ITGA11: variants seen among roughly 807,000 people sequenced by gnomAD.
ITGA11 encodes the protein integrin subunit alpha 11, also known as integrin alpha-11.
A neutral mutation model predicts 141.9 loss-of-function variants in ITGA11; 97 were observed. The observed-to-expected ratio is 0.68, with a 90% CI of 0.58 to 0.81. ITGA11 has a LOEUF of 0.81. Among genes scored for constraint, ITGA11 ranks in the 30% least tolerant of loss-of-function variants. ITGA11 has a pLI of 0.00. For synonymous variants in ITGA11, 658 were observed against 624.6 expected, an observed-to-expected ratio of 1.05 and a Z score of -0.80; for missense variants, 1,387 against 1,559.2, an observed-to-expected ratio of 0.89 and a Z score of 1.86.
At chr15:68,329,243 T>C (rs753986595) in intron 15 of ITGA11, among the ~76,000 whole-genome samples, 41 of 152,176 alleles carry the variant, frequency 2.7e-4, no homozygotes, top group Non-Finnish European at 4.9e-4. Context: ...TTTGACAGTG[T>C]AGAGTGCTGT....
At chr15:68,371,838 A>G (rs1895600118) in intron 2 of ITGA11, among the ~76,000 whole-genome samples, 1 of 152,060 alleles carries the variant, frequency 6.6e-6, no homozygotes, top group African/African-American at 2.4e-5. Context: ...GAGATGGGAC[A>G]ATCTGGTAGT....
chr15:68,329,443 C>A (rs1355023128), intron 15 of ITGA11, among the ~76,000 whole-genome samples: 2 of 152,196 alleles, frequency 1.3e-5, no homozygotes, highest in African/African-American at 4.8e-5. Context: ...TGTTTGAGAA[C>A]TATGGGGCTT....
At chr15:68,418,383 A>G (rs1896937707) in intron 1 of ITGA11, among the ~76,000 whole-genome samples, 2 of 152,234 alleles carry the variant, frequency 1.3e-5, no homozygotes, top group African/African-American at 4.8e-5. Context: ...ATTTGGCTTC[A>G]GAAATCCTGG....
chr15:68,339,687 G>C (rs751132032), intron 10 of ITGA11, 43 bp from the exon 11 acceptor site: 1 of 1,607,828 alleles, frequency 6.2e-7, no homozygotes, highest in East Asian at 2.2e-5. Context: ...TGTCCTCATG[G>C]GCCAGTTGCC....
At position 68,312,090 on chromosome 15, in the gene ITGA11, T is replaced by G. The variant is rs184514639; in HGVS notation, c.2973+683A>C. Reference sequence around the variant, plus strand: ...TAAGAGAAGCTGATGAACTTACAGCTGTTCAGGGCTGAGGGAGCTATCGGG... The same window carrying G: ...TAAGAGAAGCTGATGAACTTACAGCGGTTCAGGGCTGAGGGAGCTATCGGG... On this transcript the variant is annotated intron_variant, in intron 24 of 29. Coordinates refer to ENST00000315757, the MANE Select transcript of ITGA11 (RefSeq NM_001004439.2). 1.9e-4 allele frequency among the ~76,000 whole-genome samples: 29 copies of G among 152,372 alleles called. No homozygotes were observed. In the East Asian group the frequency reaches 4.0e-3, roughly 21 times the overall value.
At chr15:68,364,574 A>T in intron 4 of ITGA11, 133 bp downstream of exon 4, 1 of 739,254 alleles carries the variant, frequency 1.4e-6, no homozygotes, top group Non-Finnish European at 2.4e-6. Flanking sequence ...GCACAGGGCC[A>T]GGCAGCTTGG....
In ITGA11 at chr15:68,406,905, G is replaced by C. The variant is rs575826507; in HGVS notation, c.53-3876C>G. On this transcript the variant is annotated intron_variant, in intron 1 of 29. Coordinates refer to ENST00000315757, the MANE Select transcript of ITGA11 (RefSeq NM_001004439.2). ...ATTAAATCTCACACCAACCCCATGA[G>C]ACAGATACAATCACACCTCTGGGAG... Among the ~76,000 whole-genome samples, 7 of 152,272 alleles carry C rather than the reference G, an allele frequency of 4.6e-5. No individual in the cohort carries two copies. In the South Asian group the frequency reaches 1.2e-3, roughly 27 times the overall value.
intron 2 of ITGA11, among the ~76,000 whole-genome samples, chr15:68,372,601 C>T (rs908954686): frequency 3.9e-5 from 6 of 152,204 alleles, no homozygotes; most frequent in Admixed American, 3.3e-4. Flanking sequence ...CCTGTAGGAC[C>T]CTTTCCCTGT....
At chr15:68,368,892 A>C (rs2140359943) in intron 3 of ITGA11, among the ~76,000 whole-genome samples, 1 of 150,288 alleles carries the variant, frequency 6.7e-6, no homozygotes, top group South Asian at 2.1e-4. Flanking sequence ...GGGAGAGAAA[A>C]CTTTGAGTTG....
intron 22 of ITGA11, among the ~76,000 whole-genome samples, chr15:68,315,410 CA>C (rs1275192211): frequency 6.6e-6 from 1 of 152,198 alleles, no homozygotes; most frequent in African/African-American, 2.4e-5. Context: ...AAAGGGCTGA[CA>C]TTATTATTTA....
chr15:68,374,088 T>C (rs1000330107), intron 2 of ITGA11, among the ~76,000 whole-genome samples: 5 of 152,172 alleles, frequency 3.3e-5, no homozygotes, highest in African/African-American at 9.7e-5. Flanking sequence ...TATGTTATTA[T>C]GCTATAAGAG....
Position 68,328,020 on chromosome 15 carries a change from C to T in ITGA11, c.2068+76G>A, listed in dbSNP as rs1894034902. 6.9e-7 allele frequency: 1 copy of T among 1,447,048 alleles called. No homozygotes were observed. 89.6% of individuals were successfully genotyped at this position (1,447,048 alleles called of 1,614,324 possible). A position where few individuals can be genotyped will look rare whatever the true frequency, so the allele number is the denominator to read the frequency against. ...ACTTAGCACCCATTTTGGGAAAAGC[C>T]CAGGCTTTGAAATAGAGCAAGGTGC... On this transcript the variant is annotated intron_variant, in intron 16 of 29. Coordinates refer to ENST00000315757, the MANE Select transcript of ITGA11 (RefSeq NM_001004439.2). This position sits in a 1 kb window ranked among gnomAD's most constrained non-coding sequence, Gnocchi z 4.8.
In ITGA11 at chr15:68,369,266, T is replaced by A; in HGVS notation, c.183A>T (p.Pro61=). The A allele has an allele frequency of 6.2e-7, 1 of 1,613,694 alleles. No individual in the cohort carries two copies. ...TCTTCTGGTAGCCATTGGTTTCCAG[T>A]GGGGCGCCCACGACCAGCCTGGGAA... The part of the protein sequence containing the change: ...SGNKWLVVGA[P]LETNGYQKTG... The change falls in exon 3 of 30, where the codon CCA becomes CCT. Residue 61 remains proline, a synonymous_variant. Transcript: ENST00000315757.
At chr15:68,386,378 C>T (rs1323261491) in intron 2 of ITGA11, among the ~76,000 whole-genome samples, 1 of 152,148 alleles carries the variant, frequency 6.6e-6, no homozygotes, top group Non-Finnish European at 1.5e-5. Context: ...CCTCAGGACA[C>T]CCAATTCCAC....
intron 10 of ITGA11, among the ~76,000 whole-genome samples, chr15:68,343,749 A>AC (rs1240703647): frequency 2.2e-4 from 34 of 152,214 alleles, no homozygotes; most frequent in Admixed American, 2.2e-3. Flanking sequence ...CTTCTAAGGC[A>AC]CATACACCAT....
Position 68,332,361 on chromosome 15 carries a change from C to T in ITGA11, c.1543G>A (p.Val515Met). 7.5e-6 allele frequency: 12 copies of T among 1,608,140 alleles called. No homozygotes were observed. Among genetic ancestry groups the T allele is most frequent in the Non-Finnish European group, 1.0e-5 (12 of 1,177,834 alleles). ...ACCTGTCTCAGCTCATAGACGTACACCTTGCCTCGCTCACGGCCCTCGTTG... is the reference window on the plus strand; with the variant it reads ...ACCTGTCTCAGCTCATAGACGTACATCTTGCCTCGCTCACGGCCCTCGTTG... ...YFNEGRERGK[V>M]YVYELRQNLF... Residue 515 changes from valine (V) to methionine (M), a missense_variant, in exon 13 of 30, where the codon GTG (valine) becomes ATG (methionine). Coordinates refer to ENST00000315757, the MANE Select transcript of ITGA11 (RefSeq NM_001004439.2).
chr15:68,321,424 G>T lies in ITGA11; in HGVS notation c.2402C>A (p.Thr801Lys). Residue 801 changes from threonine to lysine, a missense_variant, in exon 19 of 30, where the codon ACG becomes AAG. Transcript: ENST00000315757. The surrounding 1 kb of genome is among the most constrained non-coding windows in gnomAD (Gnocchi z 4.9). ...LVLDARSDLP[T>K]AMEYCQRVLR... Reference sequence around the variant, plus strand: ...GTGGAAGGAGCCAACTCACATGGCCGTGGGCAGGTCACTCCGGGCATCCAA... The same window carrying T: ...GTGGAAGGAGCCAACTCACATGGCCTTGGGCAGGTCACTCCGGGCATCCAA... 1.3e-6 allele frequency: 2 copies of T among 1,579,382 alleles called. No individual in the cohort carries two copies. The highest frequency in any genetic ancestry group is 1.7e-6 in the Non-Finnish European group (2 of 1,161,806).
chr15:68,360,595 C>T (rs893232126), intron 5 of ITGA11, among the ~76,000 whole-genome samples: 1 of 152,080 alleles, frequency 6.6e-6, no homozygotes, highest in Admixed American at 6.5e-5. Context: ...TGCTGGTCAG[C>T]CAGGTGAGGA....
At chr15:68,357,391 C>G in intron 6 of ITGA11, 92 bp from the exon 7 acceptor site, 1 of 1,479,332 alleles carries the variant, frequency 6.8e-7, no homozygotes, top group Non-Finnish European at 9.1e-7. Context: ...GGAGTTGTCT[C>G]TGTGTGATAA....
Sources: gnomAD v4.1 joint callset for allele counts (sites outside exome capture counted in the v4.1 genomes callset) on GRCh38, gnomAD v4.1.1 for gene constraint, Gnocchi (gnomAD v3.1) non-coding constraint, MANE v1.5 for transcripts, NCBI Gene and HGNC (gene_info 2026-07-23, HGNC 2026-07-21) for gene names.